POMGNT2: variants seen among roughly 807,000 people sequenced by gnomAD.
POMGNT2 encodes the protein protein O-linked-mannose beta-1,4-N-acetylglucosaminyltransferase 2.
In POMGNT2, 32 loss-of-function variants were observed where a neutral mutation model predicts 37.8. The observed-to-expected ratio is 0.85, with a 90% CI of 0.64 to 1.14. POMGNT2 has a LOEUF of 1.14. Ranked by LOEUF, POMGNT2 falls within the 50% of genes most tolerant of loss-of-function variation. The pLI is 0.00. For synonymous variants in POMGNT2, 340 were observed against 336.8 expected (o/e 1.01, Z -0.10); for missense variants, 705 against 780.6 (o/e 0.90, Z 1.15).
chr3:43,083,826 T>G (rs1247669812), intron 1 of POMGNT2, among the ~76,000 whole-genome samples: 1 of 152,242 alleles, frequency 6.6e-6, no homozygotes, highest in Non-Finnish European at 1.5e-5. Context: ...CGTCCCTCAT[T>G]CCTGATGTTC....
In POMGNT2 at chr3:43,079,871, T is replaced by G; in HGVS notation, c.1561A>C (p.Lys521Gln). The change falls in exon 2 of 2, where the codon AAG (lysine) becomes CAG (glutamine). Residue 521 changes from lysine to glutamine, a missense_variant. Coordinates refer to ENST00000344697, the MANE Select transcript of POMGNT2 (RefSeq NM_032806.6). Reference sequence around the variant, plus strand: ...TGCTCCTGCAGCCACACCTCGTACTTCACCTCCCTCACCTTCAGGTATTTA... The same window carrying G: ...TGCTCCTGCAGCCACACCTCGTACTGCACCTCCCTCACCTTCAGGTATTTA... ...NLKYLKVREV[K>Q]YEVWLQEQGE... The G allele has an allele frequency of 6.2e-7, 1 of 1,614,156 alleles. No individual in the cohort carries two copies. The highest frequency in any genetic ancestry group is 8.5e-7 in the Non-Finnish European group (1 of 1,180,014).
chr3:43,099,416 C>T (rs1006219941), intron 1 of POMGNT2, among the ~76,000 whole-genome samples: 2 of 152,238 alleles, frequency 1.3e-5, no homozygotes, highest in African/African-American at 2.4e-5. Context: ...GTCTACATGT[C>T]CCAATTACTC....
At chr3:43,083,938 T>G (rs989197688) in intron 1 of POMGNT2, among the ~76,000 whole-genome samples, 5 of 152,230 alleles carry the variant, frequency 3.3e-5, no homozygotes, top group Non-Finnish European at 5.9e-5. Flanking sequence ...TAGTTTTCCT[T>G]CATGTCGAAA....
At chr3:43,097,114 G>T (rs2089985345) in intron 1 of POMGNT2, among the ~76,000 whole-genome samples, 1 of 152,318 alleles carries the variant, frequency 6.6e-6, no homozygotes, top group South Asian at 2.1e-4. Flanking sequence ...GCCAGCCCCA[G>T]ACACGGGCAC....
At position 43,079,565 on chromosome 3, in the gene POMGNT2, G is replaced by C. The variant is rs1296919271; in HGVS notation, c.*124C>G. On this transcript the variant is annotated 3_prime_UTR_variant, in exon 2 of 2. Transcript: ENST00000344697. ...TGACACCACACCCCAGAGACAACAA[G>C]ATGATGTGGAGGCACAGGCCTGCTC... The C allele has an allele frequency of 1.2e-6, 1 of 826,232 alleles. No homozygotes were observed. The highest frequency in any genetic ancestry group is 2.8e-5 in the Admixed American group (1 of 35,448). The allele number at this position is 826,232 out of a possible 1,614,324, so 51.2% of individuals were successfully genotyped here. A position where few individuals can be genotyped will look rare whatever the true frequency, so the allele number is the denominator to read the frequency against.
At chr3:43,100,189 A>G (rs1254518098) in intron 1 of POMGNT2, among the ~76,000 whole-genome samples, 2 of 150,698 alleles carry the variant, frequency 1.3e-5, no homozygotes, top group Non-Finnish European at 2.9e-5. Flanking sequence ...TCAGCCCTCT[A>G]TATCTGCAGG....
At chr3:43,095,854 G>A (rs2089976131) in intron 1 of POMGNT2, among the ~76,000 whole-genome samples, 1 of 152,206 alleles carries the variant, frequency 6.6e-6, no homozygotes, top group Non-Finnish European at 1.5e-5. Context: ...TCAGGGAGGA[G>A]CGAGCCCAAA....
rs147477491 is a variant in POMGNT2 at position 43,079,751 on chromosome 3, G to A, written c.1681C>T (p.Arg561Cys). 6.9e-5 allele frequency: 112 copies of A among 1,614,076 alleles called. No homozygotes were observed. Among genetic ancestry groups the A allele is most frequent in the Non-Finnish European group, 8.9e-5 (105 of 1,180,060 alleles). ...KPFTTYLVWV[R>C]CIFNKILLGP... ...AGGAGGATCTTGTTGAAGATGCAGC[G>A]GACCCACACCAGGTAGGTGGTGAAG... The change falls in exon 2 of 2, where the codon CGC becomes TGC. Residue 561 changes from arginine (R) to cysteine (C), a missense_variant. Physicochemically the swap from Arg to Cys is radical, Grantham distance 180. Coordinates refer to ENST00000344697, the MANE Select transcript of POMGNT2 (RefSeq NM_032806.6).
rs144487961 is a variant in POMGNT2 at position 43,080,362 on chromosome 3, C to G, written c.1070G>C (p.Arg357Pro). 1 of 1,614,070 alleles carries G rather than the reference C, an allele frequency of 6.2e-7. No homozygotes were observed. Among genetic ancestry groups the G allele is most frequent in the East Asian group, 2.2e-5 (1 of 44,868 alleles). ...AQLVTTLFLPRGATVVELFPY... is the reference protein window; with the variant it reads ...AQLVTTLFLPPGATVVELFPY... The stretch of plus-strand genomic sequence containing the variant: ...GAAGAGCTCTACCACAGTTGCCCCA[C>G]GGGGCAGGAAGAGGGTGGTGACCAG... The change falls in exon 2 of 2, where the codon CGT (arginine) becomes CCT (proline). Residue 357 changes from arginine (R) to proline (P), a missense_variant. Coordinates refer to ENST00000344697, the MANE Select transcript of POMGNT2 (RefSeq NM_032806.6).
intron 1 of POMGNT2, among the ~76,000 whole-genome samples, chr3:43,083,902 G>T (rs2089875300): frequency 6.6e-6 from 1 of 151,992 alleles, no homozygotes; most frequent in African/African-American, 2.4e-5. Context: ...TTCTTTTAAG[G>T]TCAACTTCCT....
At chr3:43,101,136 C>T (rs1324557990) in intron 1 of POMGNT2, among the ~76,000 whole-genome samples, 1 of 152,200 alleles carries the variant, frequency 6.6e-6, no homozygotes, top group Non-Finnish European at 1.5e-5. Flanking sequence ...GACACACATG[C>T]ATGATGGTGA....
intron 1 of POMGNT2, among the ~76,000 whole-genome samples, chr3:43,102,983 G>A (rs1259010643): frequency 6.6e-6 from 1 of 151,888 alleles, no homozygotes; most frequent in East Asian, 1.9e-4. Context: ...GCCAGGCAGA[G>A]GGTACCCAGC....
chr3:43,096,683 A>G (rs2089982117), intron 1 of POMGNT2, among the ~76,000 whole-genome samples: 1 of 152,214 alleles, frequency 6.6e-6, no homozygotes, highest in Admixed American at 6.5e-5. Context: ...TTGGGCACCA[A>G]ATTTAGAGAC....
chr3:43,090,429 G>A (rs1329955839), intron 1 of POMGNT2: 1 of 152,210 alleles, frequency 6.6e-6, no homozygotes, highest in African/African-American at 2.4e-5. Context: ...CTACATTAAA[G>A]TGCTGATATG....
At position 43,098,356 on chromosome 3, in the gene POMGNT2, C is replaced by CT. The variant is rs1171566384; in HGVS notation, c.-106+7479dup. ...CCTCAGAATGATCTCTTTCCCCCTC[C>CT]TTTTTTTTTGGTTATCTGAAGTAGT... On this transcript the variant is annotated intron_variant, in intron 1 of 1. Transcript: ENST00000344697. This position sits in a 1 kb window ranked among gnomAD's most constrained non-coding sequence, Gnocchi z 4.3. 8.6e-5 allele frequency among the ~76,000 whole-genome samples: 13 copies of CT among 150,990 alleles called. No individual in the cohort carries two copies. Among genetic ancestry groups the CT allele is most frequent in the South Asian group, 2.1e-4 (1 of 4,778 alleles).
rs142399440 is a variant in POMGNT2 at position 43,094,368 on chromosome 3, C to A, written c.-106+11468G>T. 1.9e-3 allele frequency among the ~76,000 whole-genome samples: 296 copies of A among 152,328 alleles called. 1 individual carries two copies. The highest frequency in any genetic ancestry group is 6.6e-3 in the African/African-American group (275 of 41,570). ...TTCACAATGTTGGAGAATAACTGGG[C>A]CAAGTTGCTTACTGGGCAACAGACC... On this transcript the variant is annotated intron_variant, in intron 1 of 1. Coordinates refer to ENST00000344697, the MANE Select transcript of POMGNT2 (RefSeq NM_032806.6).
intron 1 of POMGNT2, among the ~76,000 whole-genome samples, chr3:43,093,642 T>C (rs678528): frequency 1 from 151,675 of 152,260 alleles, 75,550 homozygotes; most frequent in Middle Eastern, 1. Context: ...GAGCAGGCAG[T>C]CTACACCGCT....
intron 1 of POMGNT2, chr3:43,087,491 T>TCAC (rs2089906547): frequency 6.6e-6 from 1 of 152,252 alleles, no homozygotes; most frequent in Non-Finnish European, 1.5e-5. Context: ...GACCAGCAGG[T>TCAC]CACCAGCAGG....
Position 43,106,054 on chromosome 3 carries a change from G to C in POMGNT2, c.-324C>G, listed in dbSNP as rs1455200098. On this transcript the variant is annotated 5_prime_UTR_variant, in exon 1 of 2. Transcript: ENST00000344697. ...GGTGTCCGCCGTGCGCCTGCCCGGC[G>C]GGCGAGCCCGGCGCGGAGCCTGTGC... The C allele has an allele frequency of 6.6e-6, 1 of 151,612 alleles. No homozygotes were observed. Among genetic ancestry groups the C allele is most frequent in the East Asian group, 2.0e-4 (1 of 5,116 alleles). 9.4% of individuals were successfully genotyped at this position (151,612 alleles called of 1,614,324 possible).
Sources: allele counts gnomAD v4.1 joint callset (sites outside exome capture counted in the v4.1 genomes callset), GRCh38; gene constraint gnomAD v4.1.1; non-coding constraint Gnocchi (gnomAD v3.1); transcripts MANE v1.5; gene names NCBI Gene and HGNC (gene_info 2026-07-23, HGNC 2026-07-21).